Variants in SLC30A10 observed in about 807,000 individuals in gnomAD.
The protein encoded by SLC30A10 is calcium/manganese antiporter SLC30A10.
In SLC30A10, 8 loss-of-function variants were observed where a neutral mutation model predicts 21.7. The ratio of observed to expected loss-of-function variants is 0.37; its 90% CI spans 0.22 to 0.67. SLC30A10 has a LOEUF of 0.67. Among genes scored for constraint, SLC30A10 ranks in the 30% least tolerant of loss-of-function variants. The probability of loss-of-function intolerance (pLI) is 0.58; values close to 1 mark genes in which losing one functional copy is unlikely to be tolerated. For missense variants in SLC30A10, 521 were observed against 642.5 expected, an observed-to-expected ratio of 0.81 and a Z score of 2.04; for synonymous variants, 272 against 279.4, an observed-to-expected ratio of 0.97 and a Z score of 0.26.
chr1:219,922,031 C>T (rs538020137), intron 2 of SLC30A10, among the ~76,000 whole-genome samples: 137 of 151,888 alleles, frequency 9.0e-4, no homozygotes, highest in Middle Eastern at 3.4e-3. Context: ...ATAGCTCACT[C>T]CAACTTCGAA....
At chr1:219,925,159 C>T (rs1056966115) in intron 2 of SLC30A10, among the ~76,000 whole-genome samples, 3 of 152,170 alleles carry the variant, frequency 2.0e-5, no homozygotes, top group Admixed American at 6.5e-5. Context: ...AACAAGATCA[C>T]TATAACTATG....
At chr1:219,947,381 T>G (rs1269790189) in intron 1 of SLC30A10, among the ~76,000 whole-genome samples, 1 of 151,482 alleles carries the variant, frequency 6.6e-6, no homozygotes, top group Non-Finnish European at 1.5e-5. Flanking sequence ...AAATGAAAAA[T>G]AATGGTTGGG....
rs553811954 is a variant in SLC30A10 at position 219,949,524 on chromosome 1, G to A, written n.80+9044C>T. Among the ~76,000 whole-genome samples the A allele has an allele frequency of 9.2e-5, 14 of 152,042 alleles. No homozygotes were observed. In the East Asian group the frequency reaches 1.9e-3, roughly 21 times the overall value. ...TCGCAAGAACAAAAAACCAAACACC[G>A]CATATTCTCACTCATAGGTGGGAAT... is the stretch of plus-strand genomic sequence containing the variant. On this transcript the variant is annotated intron_variant and non_coding_transcript_variant, in intron 1 of 8. Transcript: ENST00000484239.
At chr1:219,931,313 G>A (rs1025587457), upstream of SLC30A10, among the ~76,000 whole-genome samples, 4 of 152,190 alleles carry the variant, frequency 2.6e-5, no homozygotes, top group Admixed American at 6.5e-5. Context: ...AGCTGGAGGA[G>A]CTGGAAGTGG....
chr1:219,910,592 G>T lies in SLC30A10; in HGVS notation c.*4857C>A, dbSNP rs1659386980. ...GAGTTTTGACAGTTCTCTCAAATGT[G>T]AGGATTGCAACTCTAGCAAAATTGC... is the stretch of plus-strand genomic sequence containing the variant. On this transcript the variant is annotated 3_prime_UTR_variant, in exon 4 of 4. Coordinates refer to ENST00000366926, the MANE Select transcript of SLC30A10 (RefSeq NM_018713.3). Among the ~76,000 whole-genome samples, 1 of 152,160 alleles carries T rather than the reference G, an allele frequency of 6.6e-6. No homozygotes were observed. Among genetic ancestry groups the T allele is most frequent in the Non-Finnish European group, 1.5e-5 (1 of 68,020 alleles).
intron 2 of SLC30A10, among the ~76,000 whole-genome samples, chr1:219,921,907 A>AAGAGAGAGAG (rs1218617156): frequency 2.4e-4 from 16 of 66,042 alleles, no homozygotes; most frequent in African/African-American, 1.2e-3. Flanking sequence ...GTGTGTGTGA[A>AAGAGAGAGAG]AGAGAGAGAG....
chr1:219,923,363 A>C (rs575601314), intron 2 of SLC30A10, among the ~76,000 whole-genome samples: 1 of 152,178 alleles, frequency 6.6e-6, no homozygotes, highest in Non-Finnish European at 1.5e-5. Flanking sequence ...ACCCCCAAAA[A>C]ACGGGCATAT....
intron 2 of SLC30A10, among the ~76,000 whole-genome samples, chr1:219,919,502 G>A (rs79350684): frequency 0.032 from 4,836 of 152,154 alleles, 232 homozygotes; most frequent in African/African-American, 0.11. Context: ...GAGTCTGGGC[G>A]TGGTGGCTCA....
chr1:219,947,420 C>T (rs1170419413), intron 1 of SLC30A10, among the ~76,000 whole-genome samples: 3 of 152,044 alleles, frequency 2.0e-5, no homozygotes, highest in Non-Finnish European at 4.4e-5. Flanking sequence ...GTGGTCTTGG[C>T]TACTTAAGAG....
At chr1:219,957,973 A>G (rs1197072829) in intron 1 of SLC30A10, among the ~76,000 whole-genome samples, 1 of 152,212 alleles carries the variant, frequency 6.6e-6, no homozygotes, top group Admixed American at 6.5e-5. Context: ...CGTATGCAAT[A>G]AATAAGTGCA....
chr1:219,926,932 C>T, intron 2 of SLC30A10, 96 bp downstream of exon 2: 1 of 958,938 alleles, frequency 1.0e-6, no homozygotes, highest in Non-Finnish European at 1.6e-6. Flanking sequence ...TACTTTCAAA[C>T]ACACCTTTGC....
chr1:219,939,526 T>C (rs1660091072), intron 1 of SLC30A10, among the ~76,000 whole-genome samples: 1 of 152,056 alleles, frequency 6.6e-6, no homozygotes, highest in African/African-American at 2.4e-5. Flanking sequence ...CCCCCCCAGG[T>C]TCAAGTGATT....
intron 1 of SLC30A10, among the ~76,000 whole-genome samples, chr1:219,953,423 C>T (rs1660298042): frequency 6.6e-6 from 1 of 151,702 alleles, no homozygotes; most frequent in East Asian, 2.0e-4. Flanking sequence ...GGTGAAACTC[C>T]GTCTCTACTA....
rs1659462458 is a variant in SLC30A10 at position 219,913,489 on chromosome 1, T to C, written c.*1960A>G. The C allele has an allele frequency of 6.6e-6, 1 of 152,244 alleles. No individual in the cohort carries two copies. The highest frequency in any genetic ancestry group is 6.5e-5 in the Admixed American group (1 of 15,290). 9.4% of individuals were successfully genotyped at this position (152,244 alleles called of 1,614,324 possible). On this transcript the variant is annotated 3_prime_UTR_variant, in exon 4 of 4. Coordinates refer to ENST00000366926, the MANE Select transcript of SLC30A10 (RefSeq NM_018713.3). ...TGAAATCAAATTAGACCTTCAAATT[T>C]GGAAGTCAGAGAAAAATTTCTTTTT...
At chr1:219,949,155 G>T (rs956891622) in intron 1 of SLC30A10, among the ~76,000 whole-genome samples, 1 of 152,208 alleles carries the variant, frequency 6.6e-6, no homozygotes, top group African/African-American at 2.4e-5. Context: ...TTACACTGTT[G>T]GTGGGACTGT....
At chr1:219,944,759 A>G (rs1366384379) in intron 1 of SLC30A10, among the ~76,000 whole-genome samples, 1 of 152,230 alleles carries the variant, frequency 6.6e-6, no homozygotes, top group East Asian at 1.9e-4. Flanking sequence ...CACTACAGGG[A>G]AATCAAAATG....
At chr1:219,958,330 C>T (rs1660379440) in intron 1 of SLC30A10, among the ~76,000 whole-genome samples, 1 of 152,148 alleles carries the variant, frequency 6.6e-6, no homozygotes, top group Non-Finnish European at 1.5e-5. Context: ...CTTTTTCATT[C>T]CCTGTGAGTA....
chr1:219,912,478 G>C lies in SLC30A10; in HGVS notation c.*2971C>G, dbSNP rs1236770091. ...GCAGTAGGGCCGTGTAGAAGGCCAG[G>C]TGAGCACACAGGACAACTGGTCCCT... On this transcript the variant is annotated 3_prime_UTR_variant, in exon 4 of 4. Transcript: ENST00000366926. Among the ~76,000 whole-genome samples the C allele has an allele frequency of 2.0e-5, 3 of 152,176 alleles. No homozygotes were observed. The highest frequency in any genetic ancestry group is 4.4e-5 in the Non-Finnish European group (3 of 68,040).
chr1:219,942,564 T>C (rs1558259398), intron 1 of SLC30A10, among the ~76,000 whole-genome samples: 1 of 152,210 alleles, frequency 6.6e-6, no homozygotes, highest in African/African-American at 2.4e-5. Flanking sequence ...GGTAATGCAG[T>C]CTAAAGTCAT....
Sources: allele counts gnomAD v4.1 joint callset (sites outside exome capture counted in the v4.1 genomes callset), GRCh38; gene constraint gnomAD v4.1.1; transcripts MANE v1.5; gene names NCBI Gene and HGNC (gene_info 2026-07-23, HGNC 2026-07-21).